Variants in IGFL2 observed in about 807,000 individuals in gnomAD.
The protein encoded by IGFL2 is insulin growth factor-like family member 2.
Under a neutral mutation model 13.9 loss-of-function variants are expected in IGFL2, and 7 were observed. That is an observed-to-expected ratio of 0.51 (90% CI 0.29 to 0.95). The LOEUF (loss-of-function observed/expected upper bound fraction) is 0.95, where lower values mean the gene tolerates loss of function less well. IGFL2 is among the 40% of genes least tolerant of loss of function. The pLI is 0.08. For synonymous variants in IGFL2, 55 were observed against 55.8 expected (o/e 0.99, Z 0.07); for missense variants, 138 against 147.8 (o/e 0.93, Z 0.34).
chr19:46,158,550 TG>T (rs1255105506), intron 1 of IGFL2, among the ~76,000 whole-genome samples: 3 of 81,614 alleles, frequency 3.7e-5, no homozygotes, highest in South Asian at 5.4e-4. Flanking sequence ...ATTTTATTTT[TG>T]GGGGGGCGGG....
chr19:46,178,401 A>G, the IGFL2 span, among the ~76,000 whole-genome samples: 1 of 152,228 alleles, frequency 6.6e-6, no homozygotes, highest in African/African-American at 2.4e-5. Context: ...AAGGAAATCA[A>G]AATATTTTGC....
chr19:46,081,632 C>T, the IGFL2 span, among the ~76,000 whole-genome samples: 2 of 152,184 alleles, frequency 1.3e-5, no homozygotes, highest in African/African-American at 2.4e-5. Context: ...CAGCCTAGCC[C>T]TCAGCCAGGA....
chr19:46,085,325 G>A, the IGFL2 span, among the ~76,000 whole-genome samples: 11 of 152,254 alleles, frequency 7.2e-5, no homozygotes, highest in African/African-American at 2.6e-4. Context: ...TGTAGTGTTG[G>A]GTGCATGTGT....
At chr19:46,121,657 G>A in the IGFL2 span, among the ~76,000 whole-genome samples, 1 of 150,924 alleles carries the variant, frequency 6.6e-6, no homozygotes, top group South Asian at 2.1e-4. Flanking sequence ...TGTCACGTGA[G>A]TAGTAAAAAG....
intron 1 of IGFL2, chr19:46,148,916 C>A: frequency 6.4e-7 from 1 of 1,552,456 alleles, no homozygotes; most frequent in South Asian, 1.2e-5. Context: ...ATCCTGCCCT[C>A]GAACCAGACC....
the IGFL2 span, among the ~76,000 whole-genome samples, chr19:46,170,171 G>C: frequency 6.6e-6 from 1 of 152,048 alleles, no homozygotes; most frequent in Non-Finnish European, 1.5e-5. Flanking sequence ...CCGAGAGAGA[G>C]TAAGAATCGG....
At chr19:46,148,704 C>G in intron 1 of IGFL2, 2 of 613,990 alleles carry the variant, frequency 3.3e-6, no homozygotes, top group South Asian at 4.2e-5. Flanking sequence ...CAGAAGGGAC[C>G]ATAGGTGAGA....
chr19:46,144,045 C>T (rs1442383683), upstream of IGFL2, among the ~76,000 whole-genome samples: 1 of 152,214 alleles, frequency 6.6e-6, no homozygotes, highest in African/African-American at 2.4e-5. Flanking sequence ...CCCTGACCAC[C>T]TTCACTTAGC....
intron 1 of IGFL2, among the ~76,000 whole-genome samples, chr19:46,150,397 T>A (rs879936491): frequency 6.6e-6 from 1 of 152,232 alleles, no homozygotes; most frequent in Non-Finnish European, 1.5e-5. Flanking sequence ...TTCTTTCTTT[T>A]CTCTCTTGTG....
the IGFL2 span, among the ~76,000 whole-genome samples, chr19:46,167,102 G>A: frequency 6.6e-6 from 1 of 152,200 alleles, no homozygotes; most frequent in African/African-American, 2.4e-5. Flanking sequence ...AGAGATTGCA[G>A]TGAAGATAGG....
chr19:46,190,619 G>A, the IGFL2 span, among the ~76,000 whole-genome samples: 1 of 152,196 alleles, frequency 6.6e-6, no homozygotes, highest in Admixed American at 6.5e-5. Flanking sequence ...AATCAGGACT[G>A]TATCTGCAGC....
chr19:46,208,919 C>G, the IGFL2 span: 1 of 152,186 alleles, frequency 6.6e-6, no homozygotes, highest in African/African-American at 2.4e-5. Context: ...CACATTTCTA[C>G]TGTATTCTAC....
At chr19:46,170,720 C>T in the IGFL2 span, among the ~76,000 whole-genome samples, 1 of 152,128 alleles carries the variant, frequency 6.6e-6, no homozygotes, top group Non-Finnish European at 1.5e-5. Context: ...CTGGGGGTGT[C>T]TGCCTTATGC....
chr19:46,106,174 A>G, the IGFL2 span, among the ~76,000 whole-genome samples: 1 of 152,144 alleles, frequency 6.6e-6, no homozygotes, highest in East Asian at 1.9e-4. Context: ...GTGTGTTTTT[A>G]TGAAGAAAGG....
chr19:46,087,895 A>G, the IGFL2 span, among the ~76,000 whole-genome samples: 23 of 152,290 alleles, frequency 1.5e-4, no homozygotes, highest in East Asian at 2.7e-3. Flanking sequence ...AGCTCATACA[A>G]TGGTGCCTTG....
At chr19:46,098,476 G>GTC in the IGFL2 span, among the ~76,000 whole-genome samples, 1 of 143,298 alleles carries the variant, frequency 7.0e-6, no homozygotes, top group African/African-American at 2.6e-5. Flanking sequence ...GCCAATCTGT[G>GTC]TCTTTTTTTT....
chr19:46,112,312 A>G, the IGFL2 span, among the ~76,000 whole-genome samples: 1 of 152,208 alleles, frequency 6.6e-6, no homozygotes, highest in African/African-American at 2.4e-5. Flanking sequence ...CTGAGGGTAC[A>G]TTCTGTTTGG....
the IGFL2 span, among the ~76,000 whole-genome samples, chr19:46,170,789 G>A: frequency 1.3e-5 from 2 of 152,142 alleles, no homozygotes; most frequent in African/African-American, 4.8e-5. Flanking sequence ...AGGCTTGCTA[G>A]GATTAGGAAA....
At chr19:46,091,694 T>G in the IGFL2 span, among the ~76,000 whole-genome samples, 1 of 152,220 alleles carries the variant, frequency 6.6e-6, no homozygotes, top group Non-Finnish European at 1.5e-5. Context: ...CTTACTCTTG[T>G]TGCTGATATA....
Sources: allele counts gnomAD v4.1 joint callset (sites outside exome capture counted in the v4.1 genomes callset), GRCh38; gene constraint gnomAD v4.1.1; transcripts MANE v1.5; gene names NCBI Gene and HGNC (gene_info 2026-07-23, HGNC 2026-07-21).